LYST: variants seen among roughly 807,000 people sequenced by gnomAD.
LYST encodes the protein lysosomal-trafficking regulator.
Under a neutral mutation model 413.6 loss-of-function variants are expected in LYST, and 192 were observed. The ratio of observed to expected loss-of-function variants is 0.46; its 90% CI spans 0.41 to 0.52. The LOEUF (loss-of-function observed/expected upper bound fraction) is 0.52. Ranked by LOEUF, LYST falls within the 20% of genes least tolerant of loss-of-function variation. The pLI is 0.00. For missense variants in LYST, 3,815 were observed against 4,499.9 expected, an observed-to-expected ratio of 0.85 and a Z score of 4.35; for synonymous variants, 1,525 against 1,567.3, an observed-to-expected ratio of 0.97 and a Z score of 0.64.
At chr1:235,751,507 T>A (rs1051166952) in intron 27 of LYST, 145 bp from the exon 28 acceptor site, 2 of 688,856 alleles carry the variant, frequency 2.9e-6, no homozygotes, top group Non-Finnish European at 4.8e-6. Context: ...TAGACATTTT[T>A]AAATTCTTGT....
In LYST at chr1:235,752,840, C is replaced by T. The variant is rs2273585; in HGVS notation, c.7460+204G>A. ...TTGGGCCAGTTAATAAAGTAGCATA[C>T]AGGGACATTCAGTAAATACAATTTC... On this transcript the variant is annotated intron_variant, in intron 26 of 52. Coordinates refer to ENST00000389793, the MANE Select transcript of LYST (RefSeq NM_000081.4). Among the ~76,000 whole-genome samples the T allele has an allele frequency of 0.41, 61,848 of 151,656 alleles. 13,298 individuals carry two copies. Among genetic ancestry groups the T allele is most frequent in the African/African-American group, 0.49 (20,471 of 41,386 alleles).
chr1:235,721,042 T>C (rs1572068558), intron 39 of LYST, 137 bp from the exon 40 acceptor site: 4 of 793,850 alleles, frequency 5.0e-6, no homozygotes, highest in Non-Finnish European at 8.3e-6. Context: ...TCAGTAACAT[T>C]AATGGGTAGA....
At position 235,810,073 on chromosome 1, in the gene LYST, T is replaced by A; in HGVS notation, c.745A>T (p.Asn249Tyr). The A allele has an allele frequency of 6.2e-7, 1 of 1,614,072 alleles. No homozygotes were observed. The stretch of plus-strand genomic sequence containing the variant: ...AAGTCAAATGGAGAATTGTTCATGT[T>A]ACTGATAACAGACAAGGCAGCTGGC... ...SEPAALSVIS[N>Y]MNNSPFDLCH... The change falls in exon 5 of 53, where the codon AAC (asparagine) becomes TAC (tyrosine). Residue 249 changes from asparagine to tyrosine, a missense_variant. Coordinates refer to ENST00000389793, the MANE Select transcript of LYST (RefSeq NM_000081.4).
Position 235,747,249 on chromosome 1 carries a change from G to A in LYST, c.7781-722C>T, listed in dbSNP as rs1244887044. 4 of 453,514 alleles carry A rather than the reference G, an allele frequency of 8.8e-6. 1 individual carries two copies. The highest frequency in any genetic ancestry group is 6.2e-5 in the South Asian group (4 of 64,282). 28.1% of individuals were successfully genotyped at this position (453,514 alleles called of 1,614,324 possible). A position where few individuals can be genotyped will look rare whatever the true frequency, so the allele number is the denominator to read the frequency against. ...AGTCTTGATTTAATGGACCGAAGGA[G>A]AAGGGCATCGGAAGTTGACCATAGG... On this transcript the variant is annotated intron_variant, in intron 28 of 52. Coordinates refer to ENST00000389793, the MANE Select transcript of LYST (RefSeq NM_000081.4).
At chr1:235,671,020 C>T (rs1302930682) in intron 50 of LYST, among the ~76,000 whole-genome samples, 1 of 152,190 alleles carries the variant, frequency 6.6e-6, no homozygotes, top group African/African-American at 2.4e-5. Context: ...TAAACCTGAG[C>T]TCTATTTGGG....
intron 1 of LYST, among the ~76,000 whole-genome samples, chr1:235,876,667 T>C (rs987923137): frequency 5.9e-5 from 9 of 152,362 alleles, no homozygotes; most frequent in Admixed American, 5.2e-4. Context: ...TGTGACATCC[T>C]GTTTGTTAGT....
At position 235,808,559 on chromosome 1, in the gene LYST, G is replaced by T. The variant is rs779873560; in HGVS notation, c.2259C>A (p.Ser753Arg). 1 of 1,613,662 alleles carries T rather than the reference G, an allele frequency of 6.2e-7. No homozygotes were observed. The highest frequency in any genetic ancestry group is 8.5e-7 in the Non-Finnish European group (1 of 1,179,826). The change falls in exon 5 of 53, where the codon AGC (serine) becomes AGA (arginine). Residue 753 changes from serine to arginine, a missense_variant. By Grantham distance (110) the Ser-to-Arg change is moderately radical. This residue lies in a region of LYST where 1,648 missense variants were observed against 1,810.3 expected (regional missense o/e 0.91). Coordinates refer to ENST00000389793, the MANE Select transcript of LYST (RefSeq NM_000081.4). Reference sequence around the variant, plus strand: ...ATACATGACTTTGAGCTGAAGTAACGCTTAGGTGTTGACAATGATGTGCTA... The same window carrying T: ...ATACATGACTTTGAGCTGAAGTAACTCTTAGGTGTTGACAATGATGTGCTA... ...VELAHHCQHL[S>R]VTSAQSHVCS... is the part of the protein sequence containing the mutation.
intron 50 of LYST, among the ~76,000 whole-genome samples, chr1:235,675,145 A>G (rs1402516821): frequency 6.6e-6 from 1 of 152,180 alleles, no homozygotes; most frequent in Non-Finnish European, 1.5e-5. Flanking sequence ...GTCAGAAATA[A>G]TAAGTTCCAA....
At chr1:235,852,324 G>C (rs1363982409) in intron 1 of LYST, among the ~76,000 whole-genome samples, 1 of 152,192 alleles carries the variant, frequency 6.6e-6, no homozygotes, top group Non-Finnish European at 1.5e-5. Flanking sequence ...CCCCCTGCCT[G>C]TCAGGGAGGG....
In LYST at chr1:235,755,627, A is replaced by G. The variant is rs1666968994; in HGVS notation, c.7080T>C (p.Ala2360=). 1 of 1,610,716 alleles carries G rather than the reference A, an allele frequency of 6.2e-7. No individual in the cohort carries two copies. Among genetic ancestry groups the G allele is most frequent in the Non-Finnish European group, 8.5e-7 (1 of 1,177,120 alleles). ...GVIKLLDAYF[A]RASKEQKDKF... ...TATCTTTTTGTTCCTTAGATGCTCTAGCAAAATATGCATCTAATAGCTAAA... is the reference window on the plus strand; with the variant it reads ...TATCTTTTTGTTCCTTAGATGCTCTGGCAAAATATGCATCTAATAGCTAAA... The change falls in exon 25 of 53, where the codon GCT becomes GCC. Residue 2360 remains alanine (A), a synonymous_variant. Transcript: ENST00000389793.
intron 1 of LYST, among the ~76,000 whole-genome samples, chr1:235,846,404 G>C (rs1434205639): frequency 2.0e-5 from 3 of 152,098 alleles, no homozygotes; most frequent in Admixed American, 6.5e-5. Context: ...CCCTCTGACA[G>C]AGCCTACCCA....
At chr1:235,767,135 A>G (rs1668222235) in intron 20 of LYST, among the ~76,000 whole-genome samples, 1 of 152,132 alleles carries the variant, frequency 6.6e-6, no homozygotes, top group Non-Finnish European at 1.5e-5. Context: ...AAAGCTGTAT[A>G]TAAATAAATT....
intron 10 of LYST, among the ~76,000 whole-genome samples, chr1:235,795,063 G>A (rs1030686313): frequency 2.0e-5 from 3 of 152,146 alleles, no homozygotes; most frequent in African/African-American, 7.2e-5. Context: ...AGATGTATAA[G>A]AGAAAGCTGC....
At chr1:235,706,044 C>T (rs1052083753) in intron 44 of LYST, among the ~76,000 whole-genome samples, 2 of 152,154 alleles carry the variant, frequency 1.3e-5, no homozygotes, top group Non-Finnish European at 2.9e-5. Context: ...CCACACGCCT[C>T]GGCCTCCCAA....
chr1:235,757,152 A>AT (rs1667122166), intron 24 of LYST, 129 bp downstream of exon 24: 1 of 635,850 alleles, frequency 1.6e-6, no homozygotes, highest in Admixed American at 3.1e-5. Context: ...GTAACAAACT[A>AT]TATTAGTTCA....
At chr1:235,801,276 A>G (rs1359622687) in intron 8 of LYST, among the ~76,000 whole-genome samples, 179 bp from the exon 9 acceptor site, 1 of 152,176 alleles carries the variant, frequency 6.6e-6, no homozygotes, top group Non-Finnish European at 1.5e-5. Context: ...TTGAAGATTA[A>G]TGAGTTCCCT....
intron 4 of LYST, among the ~76,000 whole-genome samples, chr1:235,811,918 G>A (rs1558287843): frequency 6.6e-6 from 1 of 151,854 alleles, no homozygotes; most frequent in Admixed American, 6.6e-5. Context: ...CAATAAATAA[G>A]CAGAAAAACA....
chr1:235,704,975 T>C (rs1036163759), intron 44 of LYST, among the ~76,000 whole-genome samples: 2 of 152,236 alleles, frequency 1.3e-5, no homozygotes, highest in African/African-American at 4.8e-5. Flanking sequence ...GAACGGTCAT[T>C]AAGGGCAACA....
intron 1 of LYST, among the ~76,000 whole-genome samples, chr1:235,836,549 G>A (rs1188678280): frequency 6.6e-6 from 1 of 152,140 alleles, no homozygotes; most frequent in Non-Finnish European, 1.5e-5. Flanking sequence ...TGAGATAAAT[G>A]TATGCTGGAT....
Sources: gnomAD v4.1 joint callset for allele counts (sites outside exome capture counted in the v4.1 genomes callset) on GRCh38, gnomAD v4.1.1 for gene constraint, gnomAD v4.1.1 regional missense constraint, MANE v1.5 for transcripts, NCBI Gene and HGNC (gene_info 2026-07-23, HGNC 2026-07-21) for gene names.